The following PTK2 variants were observed in gnomAD, a reference collection of about 807,000 sequenced individuals.
PTK2 encodes focal adhesion kinase 1.
Under a neutral mutation model 150.1 loss-of-function variants are expected in PTK2, and 45 were observed. The observed-to-expected ratio is 0.30, with a 90% CI of 0.24 to 0.38. The LOEUF is 0.38. PTK2 is among the 10% of genes least tolerant of loss of function. The pLI is 1.00. For synonymous variants in PTK2, 432 were observed against 449.2 expected (o/e 0.96, Z 0.48); for missense variants, 919 against 1,307.3 (o/e 0.70, Z 4.58).
At chr8:140,902,697 T>C (rs2100158997) in intron 2 of PTK2, among the ~76,000 whole-genome samples, 1 of 152,242 alleles carries the variant, frequency 6.6e-6, no homozygotes, top group African/African-American at 2.4e-5. Flanking sequence ...GCTTTGCATG[T>C]CTCTAATGAC....
At chr8:140,721,426 G>A (rs552613971) in intron 22 of PTK2, among the ~76,000 whole-genome samples, 38 of 152,318 alleles carry the variant, frequency 2.5e-4, no homozygotes, top group Non-Finnish European at 5.0e-4. Context: ...ACTTTGGTAT[G>A]AGGTAATATA....
chr8:140,956,907 T>C (rs1587286082), intron 1 of PTK2, among the ~76,000 whole-genome samples: 1 of 151,772 alleles, frequency 6.6e-6, no homozygotes, highest in Non-Finnish European at 1.5e-5. Context: ...ACTAAAAATA[T>C]AAAATTAGCC....
At chr8:140,935,664 C>T (rs543899344) in intron 1 of PTK2, among the ~76,000 whole-genome samples, 3 of 149,324 alleles carry the variant, frequency 2.0e-5, no homozygotes, top group South Asian at 2.1e-4. Flanking sequence ...TTTCCTAATG[C>T]GCTGTTCATG....
intron 14 of PTK2, among the ~76,000 whole-genome samples, chr8:140,782,610 T>C (rs923111673): frequency 2.0e-5 from 3 of 152,174 alleles, no homozygotes; most frequent in African/African-American, 7.2e-5. Flanking sequence ...ACTACTTATA[T>C]AATAGGTGAC....
chr8:140,785,551 T>C (rs969121930), intron 14 of PTK2, among the ~76,000 whole-genome samples: 4 of 152,130 alleles, frequency 2.6e-5, no homozygotes, highest in Admixed American at 6.6e-5. Context: ...GAACCCAGAC[T>C]TGGGTCAGGT....
rs528537077 is a variant in PTK2 at position 140,823,424 on chromosome 8, C to A, written c.649-4404G>T. ...CTTTTTAAAATTAACCTAAAACATT[C>A]TATGAAGTAACGGAGATAGAAGTCG... On this transcript the variant is annotated intron_variant, in intron 8 of 31. Transcript: ENST00000522684. Among the ~76,000 whole-genome samples, 7 of 152,182 alleles carry A rather than the reference C, an allele frequency of 4.6e-5. No homozygotes were observed. In the South Asian group the frequency reaches 1.5e-3, roughly 32 times the overall value.
intron 16 of PTK2, among the ~76,000 whole-genome samples, chr8:140,753,395 C>G (rs961216149): frequency 2.6e-5 from 4 of 152,178 alleles, no homozygotes; most frequent in African/African-American, 9.7e-5. Flanking sequence ...GTAAGATAGC[C>G]AAGTCACACA....
intron 1 of PTK2, among the ~76,000 whole-genome samples, chr8:140,944,840 A>T (rs1302813374): frequency 6.6e-6 from 1 of 152,158 alleles, no homozygotes; most frequent in East Asian, 1.9e-4. Context: ...TGTGAACCTT[A>T]TTTCTTAGCA....
chr8:140,948,150 C>T (rs1442744685), intron 1 of PTK2, among the ~76,000 whole-genome samples: 2 of 152,084 alleles, frequency 1.3e-5, no homozygotes, highest in Non-Finnish European at 2.9e-5. Context: ...GGGAATACCA[C>T]CTTCATGAAA....
chr8:140,986,067 T>A (rs2100193128), intron 1 of PTK2, among the ~76,000 whole-genome samples: 3 of 152,248 alleles, frequency 2.0e-5, no homozygotes, highest in African/African-American at 7.2e-5. Context: ...TGATGAGGTT[T>A]TGATAGTCAA....
At position 140,855,204 on chromosome 8, in the gene PTK2, T is replaced by G. The variant is rs911941385; in HGVS notation, c.451-8526A>C. ...GAAATTAAAAGAGAACACTAAGGAG[T>G]GTGTTCACTATGTGCCAGACATTTC... is the stretch of plus-strand genomic sequence containing the variant. On this transcript the variant is annotated intron_variant, in intron 5 of 31. Transcript: ENST00000522684. Among the ~76,000 whole-genome samples, 9 of 151,640 alleles carry G rather than the reference T, an allele frequency of 5.9e-5. No homozygotes were observed. In the East Asian group the frequency reaches 7.7e-4, roughly 13 times the overall value.
At position 140,691,207 on chromosome 8, in the gene PTK2, T is replaced by TC. The variant is rs2100023021; in HGVS notation, c.2500-4514dup. ...TTTAGAGATGGTTGGGGGTGGGGGG[T>TC]CTCACTATGTTATCCAGGCTGGTCT... On this transcript the variant is annotated intron_variant, in intron 26 of 31. Transcript: ENST00000522684. Among the ~76,000 whole-genome samples, 19 of 140,910 alleles carry TC rather than the reference T, an allele frequency of 1.3e-4. 1 individual carries two copies. The South Asian group carries it at 4.4e-3, about 33-fold the overall frequency. The allele number at this position is 140,910 out of a possible 152,430, so 92.4% of individuals were successfully genotyped here. A position where few individuals can be genotyped will look rare whatever the true frequency, so the allele number is the denominator to read the frequency against.
At chr8:140,780,523 G>C (rs1348972783) in intron 14 of PTK2, among the ~76,000 whole-genome samples, 1 of 152,128 alleles carries the variant, frequency 6.6e-6, no homozygotes, top group Non-Finnish European at 1.5e-5. Context: ...GATGTAATCA[G>C]CCTAATCCAG....
At chr8:140,782,254 T>TTGGG (rs567880304) in intron 14 of PTK2, among the ~76,000 whole-genome samples, 5 of 138,086 alleles carry the variant, frequency 3.6e-5, no homozygotes, top group African/African-American at 1.4e-4. Context: ...TTTTTTTTTT[T>TTGGG]GGGGGGGGGG....
chr8:140,681,916 A>C (rs558111315), intron 27 of PTK2, among the ~76,000 whole-genome samples: 1 of 152,348 alleles, frequency 6.6e-6, no homozygotes, highest in South Asian at 2.1e-4. Flanking sequence ...ACTGGCGATG[A>C]CCTTAAGCAG....
At chr8:140,943,859 T>A (rs979932666) in intron 1 of PTK2, among the ~76,000 whole-genome samples, 26 of 152,242 alleles carry the variant, frequency 1.7e-4, no homozygotes, top group African/African-American at 6.0e-4. Context: ...GTGTGCTTAC[T>A]CTCATTCATA....
intron 1 of PTK2, among the ~76,000 whole-genome samples, chr8:141,000,126 C>CACACACACACACACACACACACACACACA (rs1555522723): frequency 1.4e-4 from 20 of 142,736 alleles, no homozygotes; most frequent in Middle Eastern, 3.6e-3. Flanking sequence ...CACACACACA[C>CACACACACACACACACACACACACACACA]CCCTTCTTCT....
intron 19 of PTK2, among the ~76,000 whole-genome samples, chr8:140,744,038 A>G (rs1420744381): frequency 6.8e-6 from 1 of 146,938 alleles, no homozygotes; most frequent in Non-Finnish European, 1.5e-5. Context: ...CGGCCTCCCA[A>G]AGTGCTGGGA....
intron 1 of PTK2, among the ~76,000 whole-genome samples, chr8:140,951,725 ATTT>A (rs1231796014): frequency 6.6e-6 from 1 of 151,900 alleles, no homozygotes; most frequent in African/African-American, 2.4e-5. Flanking sequence ...CTACAAAAAA[ATTT>A]TTTTAATTAG....
Sources: gnomAD v4.1 joint callset for allele counts (sites outside exome capture counted in the v4.1 genomes callset) on GRCh38, gnomAD v4.1.1 for gene constraint, MANE v1.5 for transcripts, NCBI Gene and HGNC (gene_info 2026-07-23, HGNC 2026-07-21) for gene names.